PRPF6: variants seen among roughly 807,000 people sequenced by gnomAD.
PRPF6 encodes pre-mRNA-processing factor 6.
In PRPF6, 42 loss-of-function variants were observed where a neutral mutation model predicts 118.3. That is an observed-to-expected ratio of 0.35 (90% CI 0.28 to 0.46). The LOEUF (loss-of-function observed/expected upper bound fraction) is 0.46, where lower values mean the gene tolerates loss of function less well. Among genes scored for constraint, PRPF6 ranks in the 20% least tolerant of loss-of-function variants. The pLI is 1.00. For missense variants in PRPF6, 662 were observed against 1,255.7 expected, an observed-to-expected ratio of 0.53 and a Z score of 7.15; for synonymous variants, 481 against 485.1, an observed-to-expected ratio of 0.99 and a Z score of 0.11.
At chr20:63,991,468 A>G (rs1036279277) in intron 3 of PRPF6, among the ~76,000 whole-genome samples, 3 of 152,124 alleles carry the variant, frequency 2.0e-5, no homozygotes, top group African/African-American at 7.2e-5. Flanking sequence ...GGACCCATGA[A>G]GAAAGCCATT....
chr20:63,995,168 G>A, intron 5 of PRPF6, 76 bp downstream of exon 5: 1 of 1,604,554 alleles, frequency 6.2e-7, no homozygotes. Flanking sequence ...GGTGGTGTTG[G>A]ATTCAATGCT....
intron 12 of PRPF6, among the ~76,000 whole-genome samples, chr20:64,017,836 G>C (rs1395556883): frequency 6.6e-6 from 1 of 152,226 alleles, no homozygotes; most frequent in Non-Finnish European, 1.5e-5. Flanking sequence ...CTCTTACACA[G>C]CCATAGCTCA....
chr20:64,028,344 TCTGCTGTGGAGGGAATGGAGTTTTTG>T lies in PRPF6; in HGVS notation c.2340-125_2340-100del. The stretch of plus-strand genomic sequence containing the variant: ...CGCCTTGTTTCTGTGGTGGATGAGC[TCTGCTGTGGAGGGAATGGAGTTTTTG>T]CTGCTGTGACTGGGTGGAGAGCCCT... On this transcript the variant is annotated intron_variant, in intron 17 of 20. Transcript: ENST00000266079. This position sits in a 1 kb window ranked among gnomAD's most constrained non-coding sequence, Gnocchi z 6.5. The T allele has an allele frequency of 1.1e-6, 1 of 900,146 alleles. No homozygotes were observed. 55.8% of individuals were successfully genotyped at this position (900,146 alleles called of 1,614,324 possible).
At chr20:63,984,183 G>C (rs1171552229) in intron 2 of PRPF6, among the ~76,000 whole-genome samples, 1 of 152,102 alleles carries the variant, frequency 6.6e-6, no homozygotes, top group Non-Finnish European at 1.5e-5. Flanking sequence ...CACTTTTGGA[G>C]GCCGAGGTGG....
intron 12 of PRPF6, among the ~76,000 whole-genome samples, chr20:64,022,024 G>A (rs1223037557): frequency 5.5e-5 from 8 of 145,822 alleles, no homozygotes; most frequent in Middle Eastern, 3.7e-3. Flanking sequence ...GTGCATGCAC[G>A]TATGCATATG....
chr20:64,001,238 A>G lies in PRPF6; in HGVS notation c.1185A>G (p.Lys395=), dbSNP rs748394604. ...GTGCAAAGAAGCGGGTTCTTCGGAA[A>G]GGTGAGCCTCCCTCGGAGGTGCTGC... ...DIRAKKRVLR[K]ALEHVPNSVR... is the part of the protein sequence containing the mutation. Residue 395 remains lysine (K), a splice_region_variant and synonymous_variant, in exon 9 of 21, where the codon AAA becomes AAG. Coordinates refer to ENST00000266079, the MANE Select transcript of PRPF6 (RefSeq NM_012469.4). 9 of 1,614,132 alleles carry G rather than the reference A, an allele frequency of 5.6e-6. No individual in the cohort carries two copies. The Admixed American group carries it at 1.3e-4, about 24-fold the overall frequency.
intron 9 of PRPF6, among the ~76,000 whole-genome samples, chr20:64,009,889 T>G (rs2123050167): frequency 6.6e-6 from 1 of 152,340 alleles, no homozygotes; most frequent in Middle Eastern, 3.4e-3. Context: ...TATAAACTGT[T>G]TTGGGACTGG....
chr20:64,009,517 G>A (rs1309907031), intron 9 of PRPF6, among the ~76,000 whole-genome samples: 1 of 152,090 alleles, frequency 6.6e-6, no homozygotes, highest in Non-Finnish European at 1.5e-5. Flanking sequence ...GAGATCAGGA[G>A]TTTGAGACCA....
chr20:64,001,900 T>A (rs1365842561), intron 9 of PRPF6, among the ~76,000 whole-genome samples: 1 of 151,954 alleles, frequency 6.6e-6, no homozygotes, highest in Non-Finnish European at 1.5e-5. Context: ...ACTGGAAGTG[T>A]GTAGTAGATG....
At chr20:63,997,539 C>T (rs1311453657) in intron 6 of PRPF6, among the ~76,000 whole-genome samples, 11 of 150,760 alleles carry the variant, frequency 7.3e-5, no homozygotes, top group Non-Finnish European at 1.6e-4. Flanking sequence ...TCACTGCAAC[C>T]TCCACCTCCT....
rs1601513881 is a variant in PRPF6, at chr20:63,995,074, A to G, written c.597A>G (p.Ser199=). ...TACAGACCGGAGAGAACCATACCTC[A>G]GTGGATCCCCGACAAACTGTGAGCT... ...KHLQTGENHT[S]VDPRQTQFGG... Residue 199 remains serine (S), a synonymous_variant, in exon 5 of 21, where the codon TCA becomes TCG. Transcript: ENST00000266079. The G allele has an allele frequency of 6.2e-7, 1 of 1,614,096 alleles. No homozygotes were observed. The highest frequency in any genetic ancestry group is 8.5e-7 in the Non-Finnish European group (1 of 1,179,954).
chr20:64,011,510 C>T lies in PRPF6; in HGVS notation c.1524+7C>T, dbSNP rs765385450. Reference sequence around the variant, plus strand: ...CCGTGAGCAGTGGATCCAGGTGGGCCGCAGGCGGGTGTCGTGGTGTCTGCT... The same window carrying T: ...CCGTGAGCAGTGGATCCAGGTGGGCTGCAGGCGGGTGTCGTGGTGTCTGCT... On this transcript the variant is annotated splice_region_variant and intron_variant, in intron 11 of 20. Transcript: ENST00000266079. This position sits in a 1 kb window ranked among gnomAD's most constrained non-coding sequence, Gnocchi z 6.7. 19 of 1,610,362 alleles carry T rather than the reference C, an allele frequency of 1.2e-5. No individual in the cohort carries two copies. The South Asian group carries it at 1.2e-4, about 10-fold the overall frequency.
At chr20:64,021,537 C>G (rs1032126415) in intron 12 of PRPF6, among the ~76,000 whole-genome samples, 37 of 148,968 alleles carry the variant, frequency 2.5e-4, no homozygotes, top group East Asian at 4.1e-4. Context: ...GCCTCAGCCA[C>G]AGCCCCGTGT....
rs190353606 is a variant in PRPF6 at position 63,985,579 on chromosome 20, T to C, written c.359+554T>C. 2.4e-3 allele frequency among the ~76,000 whole-genome samples: 371 copies of C among 152,310 alleles called. 6 individuals are homozygous for C. Among genetic ancestry groups the C allele is most frequent in the Non-Finnish European group, 1.1e-3 (72 of 68,032 alleles). ...TCAGCAGAATTTTGTGGATTACTTT[T>C]ACGATACATCAGGGTTACCATCTTT... On this transcript the variant is annotated intron_variant, in intron 3 of 20. Transcript: ENST00000266079.
At chr20:64,023,636 T>A (rs144664258) in intron 13 of PRPF6, among the ~76,000 whole-genome samples, 3 of 152,348 alleles carry the variant, frequency 2.0e-5, no homozygotes, top group Non-Finnish European at 2.9e-5. Context: ...CCTGAAGACC[T>A]GGCCCCCTCC....
In PRPF6 at chr20:63,995,176, G is replaced by T. The variant is rs140358394; in HGVS notation, c.615+84G>T. The T allele has an allele frequency of 2.2e-4, 346 of 1,599,164 alleles. No individual in the cohort carries two copies. In the African/African-American group the frequency reaches 3.9e-3, roughly 18 times the overall value. The stretch of plus-strand genomic sequence containing the variant: ...AATGGTGGGTGGTGTTGGATTCAAT[G>T]CTTCTGCAGGTCATGGCTATGCTGT... On this transcript the variant is annotated intron_variant, in intron 5 of 20. Coordinates refer to ENST00000266079, the MANE Select transcript of PRPF6 (RefSeq NM_012469.4).
chr20:64,028,283 G>A lies in PRPF6; in HGVS notation c.2340-195G>A, dbSNP rs774455309. Reference sequence around the variant, plus strand: ...AGGATCTGAGGTCTTGCCTTGGGGCGGTTGCCAGTGGGGCTGGCAGGGATG... The same window carrying A: ...AGGATCTGAGGTCTTGCCTTGGGGCAGTTGCCAGTGGGGCTGGCAGGGATG... On this transcript the variant is annotated intron_variant, in intron 17 of 20. Coordinates refer to ENST00000266079, the MANE Select transcript of PRPF6 (RefSeq NM_012469.4). This position sits in a 1 kb window ranked among gnomAD's most constrained non-coding sequence, Gnocchi z 6.5. Among the ~76,000 whole-genome samples, 1 of 152,250 alleles carries A rather than the reference G, an allele frequency of 6.6e-6. No homozygotes were observed. The highest frequency in any genetic ancestry group is 1.5e-5 in the Non-Finnish European group (1 of 68,038).
At chr20:64,010,588 C>T (rs1309512459) in intron 10 of PRPF6, among the ~76,000 whole-genome samples, 1 of 152,184 alleles carries the variant, frequency 6.6e-6, no homozygotes, top group Non-Finnish European at 1.5e-5. Context: ...CTCTGTTGGG[C>T]AGTTGCTCAG....
chr20:64,014,919 C>T (rs967398748), intron 11 of PRPF6, among the ~76,000 whole-genome samples: 11 of 152,288 alleles, frequency 7.2e-5, no homozygotes, highest in South Asian at 2.1e-4. Context: ...CGTCCGACAC[C>T]GTGAGTGGAA....
Sources: gnomAD v4.1 joint callset for allele counts (sites outside exome capture counted in the v4.1 genomes callset) on GRCh38, gnomAD v4.1.1 for gene constraint, Gnocchi (gnomAD v3.1) non-coding constraint, MANE v1.5 for transcripts, NCBI Gene and HGNC (gene_info 2026-07-23, HGNC 2026-07-21) for gene names.